The following UNC5C variants were observed in gnomAD, a reference collection of about 807,000 sequenced individuals.
UNC5C encodes netrin receptor UNC5C.
Under a neutral mutation model 99.8 loss-of-function variants are expected in UNC5C, and 47 were observed. That is an observed-to-expected ratio of 0.47 (90% confidence interval 0.37 to 0.60). The LOEUF (loss-of-function observed/expected upper bound fraction) is 0.60, where lower values mean the gene tolerates loss of function less well. Ranked by LOEUF, UNC5C falls within the 20% of genes least tolerant of loss-of-function variation. The probability of loss-of-function intolerance (pLI) is 0.00; values close to 1 mark genes in which losing one functional copy is unlikely to be tolerated. For missense variants in UNC5C, 1,062 were observed against 1,165.9 expected (o/e 0.91, Z 1.30); for synonymous variants, 487 against 452.2 (o/e 1.08, Z -0.98).
Position 95,460,798 on chromosome 4 carries a change from T to C in UNC5C, c.124+87936A>G, listed in dbSNP as rs1207275166. On this transcript the variant is annotated intron_variant, in intron 1 of 15. Transcript: ENST00000453304. Reference sequence around the variant, plus strand: ...CTACAAAATCCCTTTTGACAAACAATGTAACATAACCATGGGAGTGATACT... The same window carrying C: ...CTACAAAATCCCTTTTGACAAACAACGTAACATAACCATGGGAGTGATACT... Among the ~76,000 whole-genome samples the C allele has an allele frequency of 5.3e-5, 8 of 152,320 alleles. No individual in the cohort carries two copies. In the East Asian group the frequency reaches 1.4e-3, roughly 26 times the overall value.
At chr4:95,448,200 C>G (rs166446) in intron 1 of UNC5C, among the ~76,000 whole-genome samples, 37,903 of 113,808 alleles carry the variant, frequency 0.33, 5,546 homozygotes, top group East Asian at 0.47. Context: ...GTGTGTGTCT[C>G]TGTGTGTGTG....
intron 7 of UNC5C, among the ~76,000 whole-genome samples, chr4:95,229,832 C>T (rs1324249276): frequency 1.5e-4 from 12 of 78,148 alleles, no homozygotes; most frequent in South Asian, 1.2e-3. Flanking sequence ...TTTTTTGAGA[C>T]GGAGTTTCAC....
chr4:95,268,200 A>G (rs1048778365), intron 4 of UNC5C, among the ~76,000 whole-genome samples: 1 of 152,072 alleles, frequency 6.6e-6, no homozygotes, highest in African/African-American at 2.4e-5. Flanking sequence ...CGGCCTCCCA[A>G]GGTGCTGGGA....
At chr4:95,270,455 TG>T (rs1258037488) in intron 4 of UNC5C, among the ~76,000 whole-genome samples, 2 of 152,148 alleles carry the variant, frequency 1.3e-5, no homozygotes, top group Non-Finnish European at 2.9e-5. Context: ...AAATACCAAG[TG>T]GAAACTAGTG....
chr4:95,338,323 G>A (rs758664743), intron 1 of UNC5C, among the ~76,000 whole-genome samples: 2 of 151,996 alleles, frequency 1.3e-5, no homozygotes, highest in African/African-American at 2.4e-5. Context: ...TTACGAAACT[G>A]TATCCTAACT....
At chr4:95,188,397 A>G (rs1736919711) in intron 12 of UNC5C, among the ~76,000 whole-genome samples, 3 of 152,108 alleles carry the variant, frequency 2.0e-5, no homozygotes, top group Non-Finnish European at 4.4e-5. Flanking sequence ...TCATCCAGCA[A>G]CTCCTGGGAA....
intron 2 of UNC5C, among the ~76,000 whole-genome samples, chr4:95,333,863 G>T (rs996496632): frequency 2.6e-5 from 4 of 151,892 alleles, no homozygotes; most frequent in African/African-American, 9.7e-5. Flanking sequence ...AAGCTTATTT[G>T]TTTGAAATCT....
At chr4:95,370,841 G>C (rs775432912) in intron 1 of UNC5C, among the ~76,000 whole-genome samples, 3 of 152,124 alleles carry the variant, frequency 2.0e-5, no homozygotes, top group Admixed American at 1.3e-4. Context: ...TCACTGGGTT[G>C]TACAAAAGAG....
intron 14 of UNC5C, among the ~76,000 whole-genome samples, chr4:95,173,637 G>T (rs1439511830): frequency 2.0e-5 from 3 of 147,996 alleles, no homozygotes; most frequent in Admixed American, 6.7e-5. Flanking sequence ...GCTGGATTCG[G>T]TTTGCCAGTA....
intron 14 of UNC5C, among the ~76,000 whole-genome samples, chr4:95,172,072 T>G (rs1453843488): frequency 6.7e-6 from 1 of 148,772 alleles, no homozygotes; most frequent in South Asian, 2.2e-4. Flanking sequence ...CTTCGCCCAC[T>G]TTTTGATGGG....
At chr4:95,474,021 A>T (rs1748055584) in intron 1 of UNC5C, among the ~76,000 whole-genome samples, 1 of 152,166 alleles carries the variant, frequency 6.6e-6, no homozygotes, top group South Asian at 2.1e-4. Flanking sequence ...GTGATATTTC[A>T]TATAATCAAA....
chr4:95,259,024 G>A (rs1179849810), intron 4 of UNC5C, among the ~76,000 whole-genome samples: 1 of 151,558 alleles, frequency 6.6e-6, no homozygotes, highest in Non-Finnish European at 1.5e-5. Flanking sequence ...GCCTCCCAAA[G>A]TGCTGGGATT....
chr4:95,374,034 T>C (rs1188152021), intron 1 of UNC5C, among the ~76,000 whole-genome samples: 1 of 152,028 alleles, frequency 6.6e-6, no homozygotes, highest in Non-Finnish European at 1.5e-5. Context: ...CAAGTTGACA[T>C]ACCAACAAAA....
intron 14 of UNC5C, among the ~76,000 whole-genome samples, chr4:95,177,143 G>A (rs1736396023): frequency 6.6e-6 from 1 of 152,214 alleles, no homozygotes; most frequent in Non-Finnish European, 1.5e-5. Context: ...CCCACTGTCT[G>A]GCACTCCCTA....
chr4:95,268,142 C>T (rs1281171224), intron 4 of UNC5C, among the ~76,000 whole-genome samples: 1 of 151,826 alleles, frequency 6.6e-6, no homozygotes, highest in Non-Finnish European at 1.5e-5. Context: ...TTAGTAGAGA[C>T]GGGGTTTCAC....
At chr4:95,323,913 G>A (rs1742791418) in intron 2 of UNC5C, among the ~76,000 whole-genome samples, 1 of 152,144 alleles carries the variant, frequency 6.6e-6, no homozygotes, top group Non-Finnish European at 1.5e-5. Context: ...GCACACATCT[G>A]TAGTCCCAGC....
rs1721380366 is a variant in UNC5C, at chr4:95,488,202, AT to A, written c.124+60531del. 2.6e-5 allele frequency among the ~76,000 whole-genome samples: 4 copies of A among 151,808 alleles called. No homozygotes were observed. The South Asian group carries it at 8.3e-4, about 31-fold the overall frequency. On this transcript the variant is annotated intron_variant, in intron 1 of 15. Transcript: ENST00000453304. ...TAGCAGGAATACTGATATTAAGGTT[AT>A]TTATTTTATGTAAATTCTTTGAATA...
At chr4:95,214,137 A>G (rs914215236) in intron 10 of UNC5C, among the ~76,000 whole-genome samples, 1 of 152,218 alleles carries the variant, frequency 6.6e-6, no homozygotes, top group East Asian at 1.9e-4. Context: ...TTTTATGACT[A>G]TATCCTAAAG....
chr4:95,466,196 T>C (rs1231951107), intron 1 of UNC5C, among the ~76,000 whole-genome samples: 1 of 152,152 alleles, frequency 6.6e-6, no homozygotes, highest in East Asian at 1.9e-4. Flanking sequence ...AGTGAAAATT[T>C]TAATTAATTC....
Sources: allele counts gnomAD v4.1 joint callset (sites outside exome capture counted in the v4.1 genomes callset), GRCh38; gene constraint gnomAD v4.1.1; transcripts MANE v1.5; gene names NCBI Gene and HGNC (gene_info 2026-07-23, HGNC 2026-07-21).